WIPI2: variants seen among roughly 807,000 people sequenced by gnomAD.
WIPI2 encodes WD repeat domain phosphoinositide-interacting protein 2.
A neutral mutation model predicts 52.3 loss-of-function variants in WIPI2; 28 were observed. The observed-to-expected ratio is 0.54, with a 90% CI of 0.40 to 0.73. WIPI2 has a LOEUF of 0.73. Among genes scored for constraint, WIPI2 ranks in the 30% least tolerant of loss-of-function variants. WIPI2 has a pLI of 0.00. For missense variants in WIPI2, 506 were observed against 602.9 expected (o/e 0.84, Z 1.68); for synonymous variants, 268 against 245.0 (o/e 1.09, Z -0.88).
chr7:5,203,625 CTTTTTTTTTTTTTTT>C (rs10709311), intron 3 of WIPI2, among the ~76,000 whole-genome samples: 2 of 66,394 alleles, frequency 3.0e-5, no homozygotes, highest in Non-Finnish European at 2.8e-5. Flanking sequence ...TACGTTCAGC[CTTTTTTTTTTTTTTT>C]TTTTTTTTTT....
chr7:5,214,788 TC>T, intron 4 of WIPI2, 84 bp downstream of exon 4: 1 of 1,482,294 alleles, frequency 6.7e-7, no homozygotes, highest in Non-Finnish European at 9.3e-7. Flanking sequence ...GGCATGCCCC[TC>T]CGTCATTCCC....
chr7:5,195,378 C>A (rs1015168045), intron 2 of WIPI2, among the ~76,000 whole-genome samples: 1 of 151,890 alleles, frequency 6.6e-6, no homozygotes, highest in Non-Finnish European at 1.5e-5. Flanking sequence ...CCCAGCTACT[C>A]GGGAGGCTGA....
At chr7:5,220,826 C>T (rs1783084861) in intron 7 of WIPI2, among the ~76,000 whole-genome samples, 1 of 151,792 alleles carries the variant, frequency 6.6e-6, no homozygotes, top group Non-Finnish European at 1.5e-5. Context: ...GACAGAGTCT[C>T]TCTGTAGCCC....
At chr7:5,219,724 G>A (rs149863169) in intron 7 of WIPI2, among the ~76,000 whole-genome samples, 4 of 152,320 alleles carry the variant, frequency 2.6e-5, no homozygotes, top group East Asian at 1.9e-4. Flanking sequence ...AACCTTTGCC[G>A]TGGTTATTTT....
rs576458770 is a variant in WIPI2 at position 5,227,824 on chromosome 7, C to T, written c.1014-280C>T. Among the ~76,000 whole-genome samples the T allele has an allele frequency of 1.2e-4, 18 of 152,220 alleles. No individual in the cohort carries two copies. Among genetic ancestry groups the T allele is most frequent in the Non-Finnish European group, 2.5e-4 (17 of 68,044 alleles). On this transcript the variant is annotated intron_variant, in intron 10 of 12. Transcript: ENST00000288828. This position sits in a 1 kb window ranked among gnomAD's most constrained non-coding sequence, Gnocchi z 8.1. Reference sequence around the variant, plus strand: ...TTTTCCAGTTTTGTTATCTGACTAGCATCCTGGAAAACTTCTCTGACGATG... The same window carrying T: ...TTTTCCAGTTTTGTTATCTGACTAGTATCCTGGAAAACTTCTCTGACGATG...
chr7:5,224,413 A>C (rs1783317741), intron 8 of WIPI2, among the ~76,000 whole-genome samples: 1 of 152,208 alleles, frequency 6.6e-6, no homozygotes, highest in South Asian at 2.1e-4. Context: ...TGACCGCCCA[A>C]GGGGTTCACC....
At chr7:5,206,137 A>G (rs1044653441) in intron 3 of WIPI2, among the ~76,000 whole-genome samples, 1 of 152,086 alleles carries the variant, frequency 6.6e-6, no homozygotes, top group African/African-American at 2.4e-5. Flanking sequence ...TCCTGCTCCC[A>G]GCATGTACAT....
intron 2 of WIPI2, among the ~76,000 whole-genome samples, chr7:5,194,896 C>G (rs78435810): frequency 0.014 from 2,163 of 152,268 alleles, 15 homozygotes; most frequent in Non-Finnish European, 0.023. Flanking sequence ...AAGCAGAGAA[C>G]CAACCTAGTT....
At chr7:5,196,726 T>G (rs1341785641) in intron 2 of WIPI2, among the ~76,000 whole-genome samples, 1 of 152,026 alleles carries the variant, frequency 6.6e-6, no homozygotes, top group Non-Finnish European at 1.5e-5. Context: ...ACCAAGAAAT[T>G]AGGAAGGACG....
chr7:5,205,536 G>T (rs115562541), intron 3 of WIPI2, among the ~76,000 whole-genome samples: 3,498 of 152,266 alleles, frequency 0.023, 128 homozygotes, highest in African/African-American at 0.079. Context: ...TTTCTGTCCT[G>T]CCTCTGCTGC....
chr7:5,222,570 T>C (rs750279022), intron 7 of WIPI2, 32 bp from the exon 8 acceptor site: 5 of 1,604,324 alleles, frequency 3.1e-6, no homozygotes, highest in Non-Finnish European at 4.3e-6. Context: ...TTAACTCAGC[T>C]CAAATTCTTC....
rs1317605722 is a variant in WIPI2 at position 5,230,865 on chromosome 7, G to A, written c.1283G>A (p.Gly428Asp). 1.2e-6 allele frequency: 2 copies of A among 1,613,768 alleles called. No individual in the cohort carries two copies. The highest frequency in any genetic ancestry group is 1.1e-5 in the South Asian group (1 of 91,008). Residue 428 changes from glycine to aspartate, a missense_variant, in exon 13 of 13, where the codon GGC (glycine) becomes GAC (aspartate). Transcript: ENST00000288828. This position sits in a 1 kb window ranked among gnomAD's most constrained non-coding sequence, Gnocchi z 4.8. ...ACAGACGACCTGGGTGCTGTGGGTGGCGCCTGCCTGGAGGACGAGGCCAGC... is the reference window on the plus strand; with the variant it reads ...ACAGACGACCTGGGTGCTGTGGGTGACGCCTGCCTGGAGGACGAGGCCAGC... The part of the protein sequence containing the change: ...AYTDDLGAVG[G>D]ACLEDEASAL...
At chr7:5,222,023 C>T (rs1481934272) in intron 7 of WIPI2, among the ~76,000 whole-genome samples, 1 of 150,444 alleles carries the variant, frequency 6.6e-6, no homozygotes, top group Non-Finnish European at 1.5e-5. Flanking sequence ...AGTCTCGGCT[C>T]ACTGCAACCT....
Position 5,227,055 on chromosome 7 carries a change from T to G in WIPI2, c.849-125T>G. The stretch of plus-strand genomic sequence containing the variant: ...GTGTCTGCTTATAACCAACCCTGTT[T>G]AATTTTCCTGTGAAGAATGGAGACT... On this transcript the variant is annotated intron_variant, in intron 9 of 12. Coordinates refer to ENST00000288828, the MANE Select transcript of WIPI2 (RefSeq NM_015610.4). This position sits in a 1 kb window ranked among gnomAD's most constrained non-coding sequence, Gnocchi z 8.1. 7.4e-7 allele frequency: 1 copy of G among 1,355,172 alleles called. No individual in the cohort carries two copies. Among genetic ancestry groups the G allele is most frequent in the Admixed American group, 2.1e-5 (1 of 47,332 alleles). The allele number at this position is 1,355,172 out of a possible 1,614,324, so 83.9% of individuals were successfully genotyped here. A position where few individuals can be genotyped will look rare whatever the true frequency, so the allele number is the denominator to read the frequency against.
chr7:5,215,014 A>T (rs929761166), intron 4 of WIPI2, among the ~76,000 whole-genome samples: 6 of 152,064 alleles, frequency 3.9e-5, no homozygotes, highest in African/African-American at 1.4e-4. Flanking sequence ...AATGTTACTT[A>T]AAAAAAATAT....
In WIPI2 at chr7:5,193,671, G is replaced by A. The variant is rs1466934097; in HGVS notation, c.128+500G>A. On this transcript the variant is annotated intron_variant, in intron 2 of 12. Coordinates refer to ENST00000288828, the MANE Select transcript of WIPI2 (RefSeq NM_015610.4). ...GCTTACTGCAACTTTGAGTTCCTGG[G>A]CTCAAGCGGTCCTCCTGCCTCAGCC... 2.6e-5 allele frequency among the ~76,000 whole-genome samples: 4 copies of A among 152,318 alleles called. No individual in the cohort carries two copies. The East Asian group carries it at 5.8e-4, about 22-fold the overall frequency.
rs752757672 is a variant in WIPI2 at position 5,229,634 on chromosome 7, A to T, written c.1148A>T (p.Asn383Ile). ...HRLDGSLETT[N>I]EILDSASHDC... ...CTGGACGGCAGTCTGGAAACGACCA[A>T]TGAGATCTTGGACTCTGCCTCTCAC... The change falls in exon 12 of 13, where the codon AAT (asparagine) becomes ATT (isoleucine). Residue 383 changes from asparagine to isoleucine, a missense_variant. By Grantham distance (149) the Asn-to-Ile change is moderately radical. Coordinates refer to ENST00000288828, the MANE Select transcript of WIPI2 (RefSeq NM_015610.4). 3.1e-6 allele frequency: 5 copies of T among 1,613,782 alleles called. No individual in the cohort carries two copies. In the Admixed American group the frequency reaches 8.3e-5, roughly 27 times the overall value.
chr7:5,195,284 C>A (rs538001901), intron 2 of WIPI2, among the ~76,000 whole-genome samples: 2 of 152,012 alleles, frequency 1.3e-5, no homozygotes, highest in African/African-American at 4.8e-5. Context: ...TTCAGGAGTT[C>A]AAGACCAGGT....
chr7:5,225,651 T>C (rs1344774443), intron 8 of WIPI2, among the ~76,000 whole-genome samples, 172 bp from the exon 9 acceptor site: 1 of 152,190 alleles, frequency 6.6e-6, no homozygotes, highest in Non-Finnish European at 1.5e-5. Context: ...GTATTTCCTT[T>C]TGAACATTTT....
Sources: gnomAD v4.1 joint callset for allele counts (sites outside exome capture counted in the v4.1 genomes callset) on GRCh38, gnomAD v4.1.1 for gene constraint, Gnocchi (gnomAD v3.1) non-coding constraint, MANE v1.5 for transcripts, NCBI Gene and HGNC (gene_info 2026-07-23, HGNC 2026-07-21) for gene names.